ASIC2: variants seen among roughly 807,000 people sequenced by gnomAD.
ASIC2 encodes the protein acid sensing ion channel subunit 2.
A neutral mutation model predicts 57.3 loss-of-function variants in ASIC2; 25 were observed. The observed-to-expected ratio is 0.44, with a 90% CI of 0.32 to 0.61. The LOEUF (loss-of-function observed/expected upper bound fraction) is 0.61. Ranked by LOEUF, ASIC2 falls within the 20% of genes least tolerant of loss-of-function variation. ASIC2 has a pLI of 0.06. For synonymous variants in ASIC2, 319 were observed against 307.5 expected (o/e 1.04, Z -0.39); for missense variants, 641 against 738.1 (o/e 0.87, Z 1.52).
intron 1 of ASIC2, among the ~76,000 whole-genome samples, chr17:33,121,840 G>A (rs932013983): frequency 1.3e-5 from 2 of 152,170 alleles, no homozygotes; most frequent in African/African-American, 4.8e-5. Context: ...GAGATGCAGT[G>A]ACTGAGAGGA....
chr17:33,152,484 C>T (rs1904840866), intron 1 of ASIC2, among the ~76,000 whole-genome samples: 1 of 152,158 alleles, frequency 6.6e-6, no homozygotes, highest in South Asian at 2.1e-4. Context: ...AACAGCAAAA[C>T]AAAGCAACAG....
At chr17:33,034,299 G>T (rs2091899404) in intron 3 of ASIC2, among the ~76,000 whole-genome samples, 1 of 152,058 alleles carries the variant, frequency 6.6e-6, no homozygotes, top group Admixed American at 6.6e-5. Context: ...AGAAAAATCG[G>T]CACCCTAGAG....
intron 2 of ASIC2, among the ~76,000 whole-genome samples, chr17:33,091,988 T>C (rs2092159424): frequency 6.6e-6 from 1 of 152,166 alleles, no homozygotes; most frequent in Admixed American, 6.5e-5. Flanking sequence ...CATTGCTGGA[T>C]AGCACAGTTC....
intron 3 of ASIC2, among the ~76,000 whole-genome samples, chr17:33,029,800 C>T (rs912458797): frequency 1.3e-5 from 2 of 152,186 alleles, no homozygotes; most frequent in South Asian, 2.1e-4. Flanking sequence ...ATCTGGACTT[C>T]GTCCACCTTT....
chr17:33,261,995 C>G (rs933997392), intron 1 of ASIC2, among the ~76,000 whole-genome samples: 1 of 152,216 alleles, frequency 6.6e-6, no homozygotes. Context: ...GGGGCCCGCT[C>G]CAGGGCAGCA....
intron 1 of ASIC2, among the ~76,000 whole-genome samples, chr17:33,451,056 T>G (rs1365167207): frequency 1.0e-5 from 1 of 96,436 alleles, no homozygotes; most frequent in African/African-American, 3.4e-5. Context: ...GAGGCGTACA[T>G]GTACTTTTTT....
At chr17:33,023,820 A>G in intron 6 of ASIC2, 41 bp downstream of exon 6, 2 of 1,611,276 alleles carry the variant, frequency 1.2e-6, no homozygotes, top group South Asian at 2.2e-5. Flanking sequence ...CTCCTTATCC[A>G]GTTCCCCCTT....
At chr17:33,382,459 G>A (rs1909523193) in intron 1 of ASIC2, among the ~76,000 whole-genome samples, 2 of 152,138 alleles carry the variant, frequency 1.3e-5, no homozygotes, top group Admixed American at 1.3e-4. Flanking sequence ...ACAGCAGGAG[G>A]CTGCATCAAA....
intron 3 of ASIC2, among the ~76,000 whole-genome samples, chr17:33,062,019 AT>A (rs1320869543): frequency 1.3e-5 from 2 of 152,072 alleles, no homozygotes; most frequent in East Asian, 1.9e-4. Context: ...CCCCTTTATC[AT>A]TTTTTATTGC....
At chr17:33,588,164 A>G (rs1904702634) in intron 1 of ASIC2, among the ~76,000 whole-genome samples, 1 of 152,252 alleles carries the variant, frequency 6.6e-6, no homozygotes, top group South Asian at 2.1e-4. Flanking sequence ...AAGACCATGC[A>G]TGATGTGAGC....
chr17:33,909,585 G>A (rs1444872166), intron 1 of ASIC2, among the ~76,000 whole-genome samples: 1 of 152,210 alleles, frequency 6.6e-6, no homozygotes, highest in East Asian at 1.9e-4. Context: ...GGGGATGCAC[G>A]TGGTGGGAGA....
At chr17:33,359,910 C>A (rs1326132376) in intron 1 of ASIC2, among the ~76,000 whole-genome samples, 1 of 152,152 alleles carries the variant, frequency 6.6e-6, no homozygotes, top group Non-Finnish European at 1.5e-5. Flanking sequence ...ATGAAGCAGT[C>A]TTTGGTTTGC....
chr17:33,154,652 A>T (rs1173082104), intron 1 of ASIC2, among the ~76,000 whole-genome samples: 1 of 152,200 alleles, frequency 6.6e-6, no homozygotes, highest in Non-Finnish European at 1.5e-5. Context: ...CTTTGGTTTT[A>T]AGACACGCAC....
chr17:33,321,254 A>C (rs1906856864), intron 1 of ASIC2, among the ~76,000 whole-genome samples: 1 of 152,208 alleles, frequency 6.6e-6, no homozygotes, highest in South Asian at 2.1e-4. Context: ...GTAATATTTT[A>C]CATTTAATAA....
At chr17:33,488,847 C>T (rs935076396) in intron 1 of ASIC2, among the ~76,000 whole-genome samples, 3 of 152,122 alleles carry the variant, frequency 2.0e-5, no homozygotes, top group South Asian at 4.2e-4. Flanking sequence ...CCTAATGACA[C>T]GCTCCATCCC....
intron 1 of ASIC2, among the ~76,000 whole-genome samples, chr17:33,471,948 A>G (rs1239269945): frequency 1.3e-5 from 2 of 152,120 alleles, no homozygotes; most frequent in African/African-American, 4.8e-5. Context: ...TGAGGCTTAG[A>G]AAGATTAAGC....
chr17:33,161,862 T>TG (rs1287359996), intron 1 of ASIC2, among the ~76,000 whole-genome samples: 5 of 75,754 alleles, frequency 6.6e-5, no homozygotes, highest in Non-Finnish European at 1.4e-4. Flanking sequence ...CCTAGGTTTT[T>TG]TTTTTTTTTT....
intron 1 of ASIC2, among the ~76,000 whole-genome samples, chr17:33,445,974 T>C (rs1389609605): frequency 6.6e-6 from 1 of 151,864 alleles, no homozygotes; most frequent in African/African-American, 2.4e-5. Flanking sequence ...AGACCCTCTC[T>C]GCTTGTGGAC....
chr17:33,739,968 GAAGA>G (rs1017577592), intron 1 of ASIC2, among the ~76,000 whole-genome samples: 36 of 60,688 alleles, frequency 5.9e-4, no homozygotes, highest in Admixed American at 3.5e-3. Context: ...AGAAAGAAAA[GAAGA>G]AAGAAAGAAA....
Sources: allele counts gnomAD v4.1 joint callset (sites outside exome capture counted in the v4.1 genomes callset), GRCh38; gene constraint gnomAD v4.1.1; transcripts MANE v1.5; gene names NCBI Gene and HGNC (gene_info 2026-07-23, HGNC 2026-07-21).